The following SNRPD2 variants were observed in gnomAD, a reference collection of about 807,000 sequenced individuals.
The protein encoded by SNRPD2 is small nuclear ribonucleoprotein D2 polypeptide.
In SNRPD2, 1 loss-of-function variant was observed where a neutral mutation model predicts 11.5. The ratio of observed to expected loss-of-function variants is 0.09; its 90% CI spans 0.03 to 0.41. SNRPD2 has a LOEUF of 0.41. Among genes scored for constraint, SNRPD2 ranks in the 10% least tolerant of loss-of-function variants. The pLI is 0.98. For missense variants in SNRPD2, 77 were observed against 154.9 expected, an observed-to-expected ratio of 0.50 and a Z score of 2.67; for synonymous variants, 63 against 61.5, an observed-to-expected ratio of 1.02 and a Z score of -0.12.
In SNRPD2 at chr19:45,687,826, G is replaced by A. The variant is rs936301669; in HGVS notation, c.183-99C>T. On this transcript the variant is annotated intron_variant, in intron 2 of 2. Transcript: ENST00000342669. The surrounding 1 kb of genome is among the most constrained non-coding windows in gnomAD (Gnocchi z 4.1). ...CTCGCCCCCTCCAGCAGCATGGCTT[G>A]GGGAAGGGTGCAGGTGCTAGGCCGG... is the stretch of plus-strand genomic sequence containing the variant. The A allele has an allele frequency of 6.0e-6, 6 of 992,900 alleles. No individual in the cohort carries two copies. Among genetic ancestry groups the A allele is most frequent in the Non-Finnish European group, 9.3e-6 (6 of 648,360 alleles). 61.5% of individuals were successfully genotyped at this position (992,900 alleles called of 1,614,324 possible).
chr19:45,687,497 A>C lies in SNRPD2; in HGVS notation c.*56T>G. 1 of 1,488,640 alleles carries C rather than the reference A, an allele frequency of 6.7e-7. No individual in the cohort carries two copies. Among genetic ancestry groups the C allele is most frequent in the Non-Finnish European group, 9.3e-7 (1 of 1,071,614 alleles). The allele number at this position is 1,488,640 out of a possible 1,614,324, so 92.2% of individuals were successfully genotyped here. ...CAGAGCTTTATTATTCTCAACACCA[A>C]TGGCAGCGGTCTTCATAGGACAGAG... is the stretch of plus-strand genomic sequence containing the variant. On this transcript the variant is annotated 3_prime_UTR_variant, in exon 3 of 3. Coordinates refer to ENST00000342669, the MANE Select transcript of SNRPD2 (RefSeq NM_001384647.1). The surrounding 1 kb of genome is among the most constrained non-coding windows in gnomAD (Gnocchi z 4.1).
At chr19:45,691,600 G>A in intron 1 of SNRPD2, 1 of 422,664 alleles carries the variant, frequency 2.4e-6, no homozygotes, top group Non-Finnish European at 4.3e-6. Context: ...TCGAACTCCT[G>A]TGTTCCAGCG....
intron 1 of SNRPD2, among the ~76,000 whole-genome samples, chr19:45,690,907 T>C (rs1177815394): frequency 6.6e-6 from 1 of 152,022 alleles, no homozygotes; most frequent in Admixed American, 6.6e-5. Flanking sequence ...TTCACTGATG[T>C]ATCCTATGTA....
intron 1 of SNRPD2, among the ~76,000 whole-genome samples, chr19:45,689,803 G>A (rs947093942): frequency 8.6e-5 from 13 of 151,974 alleles, no homozygotes; most frequent in East Asian, 3.9e-4. Context: ...GGAGGCCGAC[G>A]CGAGGTGGAT....
At chr19:45,687,458 AC>A, downstream of SNRPD2, 1 of 1,221,036 alleles carries the variant, frequency 8.2e-7, no homozygotes, top group Non-Finnish European at 1.2e-6. The surrounding 1 kb of genome is among the most constrained non-coding windows in gnomAD (Gnocchi z 4.1). Context: ...AACAGATACC[AC>A]TAGAAAAAAA....
At position 45,688,179 on chromosome 19, in the gene SNRPD2, C is replaced by T. The variant is rs531885315; in HGVS notation, c.182+208G>A. On this transcript the variant is annotated intron_variant, in intron 2 of 2. Transcript: ENST00000342669. This position sits in a 1 kb window ranked among gnomAD's most constrained non-coding sequence, Gnocchi z 4.1. ...TATATTTTTAGTAGAGATGGGGTTT[C>T]GCCATTTTAGCTAAGCTGGTCTTGA... Among the ~76,000 whole-genome samples the T allele has an allele frequency of 4.6e-5, 7 of 152,012 alleles. No individual in the cohort carries two copies. The East Asian group carries it at 1.2e-3, about 25-fold the overall frequency.
At chr19:45,692,310 G>A, upstream of SNRPD2, 3 of 364,590 alleles carry the variant, frequency 8.2e-6, no homozygotes, top group South Asian at 9.6e-5. Context: ...CTTCCCTCTG[G>A]GACGCGTTAC....
intron 1 of SNRPD2, among the ~76,000 whole-genome samples, chr19:45,690,849 GAAA>G (rs1967525757): frequency 7.1e-6 from 1 of 141,158 alleles, no homozygotes; most frequent in Non-Finnish European, 1.5e-5. Flanking sequence ...AAAAAAAAAA[GAAA>G]AAGAGAAAAA....
At chr19:45,691,163 T>C (rs1297892182) in intron 1 of SNRPD2, among the ~76,000 whole-genome samples, 1 of 152,178 alleles carries the variant, frequency 6.6e-6, no homozygotes, top group Non-Finnish European at 1.5e-5. Context: ...GGAGTCTTAC[T>C]CTGTCGCTCA....
rs1967459615 is a variant in SNRPD2, at chr19:45,688,313, T to C, written c.182+74A>G. 1.5e-6 allele frequency: 2 copies of C among 1,329,516 alleles called. No homozygotes were observed. The highest frequency in any genetic ancestry group is 2.1e-6 in the Non-Finnish European group (2 of 939,968). The allele number at this position is 1,329,516 out of a possible 1,614,324, so 82.4% of individuals were successfully genotyped here. On this transcript the variant is annotated intron_variant, in intron 2 of 2. Coordinates refer to ENST00000342669, the MANE Select transcript of SNRPD2 (RefSeq NM_001384647.1). This position sits in a 1 kb window ranked among gnomAD's most constrained non-coding sequence, Gnocchi z 4.1. The stretch of plus-strand genomic sequence containing the variant: ...CCCCAGGCTTCTGAGACAGCTGTCT[T>C]TGAGCTCTTCAGACTGGAGCTGGAG...
intron 1 of SNRPD2, chr19:45,691,610 G>C: frequency 2.2e-6 from 1 of 452,634 alleles, no homozygotes; most frequent in East Asian, 3.6e-5. Context: ...GTGTTCCAGC[G>C]ATGCTCCGCC....
chr19:45,687,843 CT>C lies in SNRPD2; in HGVS notation c.183-117del. 1.2e-6 allele frequency: 1 copy of C among 841,254 alleles called. No homozygotes were observed. The highest frequency in any genetic ancestry group is 1.9e-6 in the Non-Finnish European group (1 of 526,078). 52.1% of individuals were successfully genotyped at this position (841,254 alleles called of 1,614,324 possible). ...CATGGCTTGGGGAAGGGTGCAGGTG[CT>C]AGGCCGGGATGACCAAGCTGCCAAA... is the stretch of plus-strand genomic sequence containing the variant. On this transcript the variant is annotated intron_variant, in intron 2 of 2. Transcript: ENST00000342669. This position sits in a 1 kb window ranked among gnomAD's most constrained non-coding sequence, Gnocchi z 4.1.
intron 1 of SNRPD2, 93 bp downstream of exon 1, chr19:45,691,794 C>CT: frequency 1.3e-5 from 18 of 1,369,076 alleles, no homozygotes; most frequent in Non-Finnish European, 1.8e-5. Flanking sequence ...TCTGCCCCTG[C>CT]CCCCCCCGCT....
In SNRPD2 at chr19:45,688,326, A is replaced by T; in HGVS notation, c.182+61T>A. 6.9e-7 allele frequency: 1 copy of T among 1,442,148 alleles called. No homozygotes were observed. The highest frequency in any genetic ancestry group is 9.7e-7 in the Non-Finnish European group (1 of 1,032,632). 89.3% of individuals were successfully genotyped at this position (1,442,148 alleles called of 1,614,324 possible). On this transcript the variant is annotated intron_variant, in intron 2 of 2. Transcript: ENST00000342669. The surrounding 1 kb of genome is among the most constrained non-coding windows in gnomAD (Gnocchi z 4.1). The stretch of plus-strand genomic sequence containing the variant: ...AGACAGCTGTCTTTGAGCTCTTCAG[A>T]CTGGAGCTGGAGTGGCCTCTCCAGG...
chr19:45,687,862 C>G lies in SNRPD2; in HGVS notation c.183-135G>C, dbSNP rs906673094. 1.5e-6 allele frequency: 1 copy of G among 686,166 alleles called. No individual in the cohort carries two copies. The highest frequency in any genetic ancestry group is 1.8e-5 in the African/African-American group (1 of 56,108). 42.5% of individuals were successfully genotyped at this position (686,166 alleles called of 1,614,324 possible). A position where few individuals can be genotyped will look rare whatever the true frequency, so the allele number is the denominator to read the frequency against. On this transcript the variant is annotated intron_variant, in intron 2 of 2. Transcript: ENST00000342669. The surrounding 1 kb of genome is among the most constrained non-coding windows in gnomAD (Gnocchi z 4.1). The stretch of plus-strand genomic sequence containing the variant: ...CAGGTGCTAGGCCGGGATGACCAAG[C>G]TGCCAAAGCAACTCTGCCAGTCCTT...
chr19:45,689,538 A>G (rs1487267607), intron 1 of SNRPD2, among the ~76,000 whole-genome samples: 4 of 151,764 alleles, frequency 2.6e-5, no homozygotes, highest in Non-Finnish European at 5.9e-5. Flanking sequence ...CAAAACAACA[A>G]TAAAAAAAAC....
Position 45,691,899 on chromosome 19 carries a change from A to G in SNRPD2, c.-11T>C, listed in dbSNP as rs1195391906. The G allele has an allele frequency of 1.9e-6, 3 of 1,613,662 alleles. No individual in the cohort carries two copies. In the African/African-American group the frequency reaches 4.0e-5, roughly 22 times the overall value. On this transcript the variant is annotated 5_prime_UTR_variant, in exon 1 of 3. Coordinates refer to ENST00000342669, the MANE Select transcript of SNRPD2 (RefSeq NM_001384647.1). ...AGCCCGGCCTCACATGATGGTCACT[A>G]CGCTCTCCGTTCACTCCCGTTTCCT...
At chr19:45,692,051 A>ATG, upstream of SNRPD2, 1 of 1,568,058 alleles carries the variant, frequency 6.4e-7, no homozygotes, top group Non-Finnish European at 8.6e-7. Context: ...TTCCCCACCA[A>ATG]CGGTGCACAA....
rs1354047622 is a variant in SNRPD2 at position 45,687,854 on chromosome 19, T to G, written c.183-127A>C. 6.9e-6 allele frequency: 5 copies of G among 729,656 alleles called. No individual in the cohort carries two copies. In the East Asian group the frequency reaches 1.3e-4, roughly 19 times the overall value. 45.2% of individuals were successfully genotyped at this position (729,656 alleles called of 1,614,324 possible). ...GAAGGGTGCAGGTGCTAGGCCGGGA[T>G]GACCAAGCTGCCAAAGCAACTCTGC... On this transcript the variant is annotated intron_variant, in intron 2 of 2. Coordinates refer to ENST00000342669, the MANE Select transcript of SNRPD2 (RefSeq NM_001384647.1). This position sits in a 1 kb window ranked among gnomAD's most constrained non-coding sequence, Gnocchi z 4.1.
Sources: allele counts gnomAD v4.1 joint callset (sites outside exome capture counted in the v4.1 genomes callset), GRCh38; gene constraint gnomAD v4.1.1; non-coding constraint Gnocchi (gnomAD v3.1); transcripts MANE v1.5; gene names NCBI Gene and HGNC (gene_info 2026-07-23, HGNC 2026-07-21).